Variants in CHN2 observed in about 807,000 individuals in gnomAD.
CHN2 encodes chimerin 2.
CHN2 carries 35 observed loss-of-function variants against 56.3 expected under a neutral mutation model. The ratio of observed to expected loss-of-function variants is 0.62; its 90% confidence interval spans 0.47 to 0.82. The LOEUF is 0.82. Ranked by LOEUF, CHN2 falls within the 40% of genes least tolerant of loss-of-function variation. CHN2 has a pLI of 0.00. For synonymous variants in CHN2, 210 were observed against 212.8 expected, an observed-to-expected ratio of 0.99 and a Z score of 0.12; for missense variants, 491 against 580.5, an observed-to-expected ratio of 0.85 and a Z score of 1.58.
intron 1 of CHN2, among the ~76,000 whole-genome samples, chr7:29,350,552 G>C (rs1401723523): frequency 6.6e-6 from 1 of 152,066 alleles, no homozygotes; most frequent in East Asian, 1.9e-4. Context: ...CCCTCACTTT[G>C]AATTCTTTTA....
chr7:29,239,936 T>A (rs559805913), intron 1 of CHN2, among the ~76,000 whole-genome samples: 64 of 152,298 alleles, frequency 4.2e-4, no homozygotes, highest in South Asian at 3.1e-3. Context: ...TAGATTTTTT[T>A]AAAAAAATGC....
In CHN2 at chr7:29,507,634, A is replaced by G. The variant is rs115682587; in HGVS notation, c.1129+269A>G. On this transcript the variant is annotated intron_variant, in intron 11 of 12. Transcript: ENST00000222792. ...GAACCAACACAGTCAGGCCTATTAT[A>G]TGTTGAAAGCATGAATATTTCTGTA... Among the ~76,000 whole-genome samples the G allele has an allele frequency of 2.7e-3, 414 of 152,224 alleles. 3 individuals carry two copies. The highest frequency in any genetic ancestry group is 9.7e-3 in the African/African-American group (403 of 41,524).
chr7:29,148,744 A>T (rs1314897647), intron 2 of CHN2: 1 of 152,170 alleles, frequency 6.6e-6, no homozygotes, highest in Admixed American at 6.5e-5. Context: ...AAGAAAAAAG[A>T]TAGTCTTCTT....
intron 1 of CHN2, among the ~76,000 whole-genome samples, chr7:29,261,025 C>T (rs1306241596): frequency 6.6e-6 from 1 of 152,124 alleles, no homozygotes; most frequent in Non-Finnish European, 1.5e-5. Context: ...TTGGGAATGA[C>T]CTATTCAAAG....
intron 1 of CHN2, among the ~76,000 whole-genome samples, chr7:29,330,523 A>G (rs980607438): frequency 3.3e-5 from 5 of 152,194 alleles, no homozygotes; most frequent in African/African-American, 1.2e-4. Flanking sequence ...TGTCTTTTGA[A>G]AGTAAATTTG....
intron 6 of CHN2, among the ~76,000 whole-genome samples, chr7:29,416,160 G>A (rs959535964): frequency 5.8e-4 from 89 of 152,308 alleles, no homozygotes; most frequent in African/African-American, 2.0e-3. Context: ...AGTGATGAAT[G>A]AATTAGCGTG....
chr7:29,254,580 G>T (rs1004960008), intron 1 of CHN2, among the ~76,000 whole-genome samples: 2 of 152,134 alleles, frequency 1.3e-5, no homozygotes, highest in African/African-American at 2.4e-5. Flanking sequence ...CTTATGACAG[G>T]GTTTTAGGGA....
chr7:29,370,175 C>G (rs1799495979), intron 3 of CHN2, among the ~76,000 whole-genome samples: 1 of 152,146 alleles, frequency 6.6e-6, no homozygotes, highest in Admixed American at 6.5e-5. Flanking sequence ...GCAGATAGTT[C>G]CTGCCTAAAT....
At chr7:29,195,331 G>A (rs1468333195) in intron 1 of CHN2, 4 of 302,062 alleles carry the variant, frequency 1.3e-5, no homozygotes, top group East Asian at 6.6e-5. Flanking sequence ...GGGCGGAGAA[G>A]GTTGGGGTGA....
At chr7:29,263,038 G>A (rs1315437016) in intron 1 of CHN2, among the ~76,000 whole-genome samples, 4 of 152,040 alleles carry the variant, frequency 2.6e-5, no homozygotes, top group African/African-American at 4.8e-5. Flanking sequence ...CCCTTTGCAC[G>A]GTCCTCGTCT....
intron 9 of CHN2, among the ~76,000 whole-genome samples, chr7:29,501,997 G>A (rs1049019776): frequency 1.3e-5 from 2 of 152,120 alleles, no homozygotes; most frequent in African/African-American, 2.4e-5. Flanking sequence ...ACCTCATAAG[G>A]TGGTTGGTGA....
chr7:29,211,885 T>TG (rs1202381358), intron 1 of CHN2, among the ~76,000 whole-genome samples: 1 of 152,246 alleles, frequency 6.6e-6, no homozygotes, highest in Non-Finnish European at 1.5e-5. Context: ...AATGTATATT[T>TG]TAATAACTTT....
At chr7:29,324,918 G>T (rs1278852679) in intron 1 of CHN2, among the ~76,000 whole-genome samples, 1 of 152,076 alleles carries the variant, frequency 6.6e-6, no homozygotes, top group Non-Finnish European at 1.5e-5. Flanking sequence ...ATCAACTAAT[G>T]CATGCCCTTT....
intron 3 of CHN2, among the ~76,000 whole-genome samples, chr7:29,378,992 T>C (rs1800287343): frequency 6.6e-6 from 1 of 152,180 alleles, no homozygotes; most frequent in Non-Finnish European, 1.5e-5. Flanking sequence ...AAGAGTGGGT[T>C]AATATACATA....
Position 29,317,619 on chromosome 7 carries a change from C to T in CHN2, c.50-37006C>T, listed in dbSNP as rs141452152. Among the ~76,000 whole-genome samples, 255 of 152,308 alleles carry T rather than the reference C, an allele frequency of 1.7e-3. 2 individuals are homozygous for T. The highest frequency in any genetic ancestry group is 5.6e-3 in the African/African-American group (234 of 41,550). ...ACAGTTCATTCATTCATTCATCAAA[C>T]GTTTTTAGCACCTCTTTCGTATGCC... is the stretch of plus-strand genomic sequence containing the variant. On this transcript the variant is annotated intron_variant, in intron 1 of 12. Transcript: ENST00000222792.
chr7:29,147,370 A>G, intron 2 of CHN2: 1 of 165,154 alleles, frequency 6.1e-6, no homozygotes, highest in Non-Finnish European at 1.3e-5. Context: ...GAGTGAGCCC[A>G]GGGAAACCCG....
intron 1 of CHN2, among the ~76,000 whole-genome samples, chr7:29,305,687 C>T (rs985427292): frequency 3.9e-5 from 6 of 152,026 alleles, no homozygotes; most frequent in Non-Finnish European, 7.4e-5. Flanking sequence ...ACACTGGCTG[C>T]CCAGAAGCTA....
chr7:29,467,017 A>G (rs1290937268), intron 6 of CHN2, among the ~76,000 whole-genome samples: 1 of 152,168 alleles, frequency 6.6e-6, no homozygotes, highest in Non-Finnish European at 1.5e-5. Context: ...TATAGTTATC[A>G]TTTTGTATTC....
intron 2 of CHN2, among the ~76,000 whole-genome samples, chr7:29,355,173 G>C (rs1040798564): frequency 2.6e-5 from 4 of 151,984 alleles, no homozygotes; most frequent in African/African-American, 9.7e-5. Flanking sequence ...GTTTCTCCAT[G>C]TTGGTCAGGA....
Sources: allele counts gnomAD v4.1 joint callset (sites outside exome capture counted in the v4.1 genomes callset), GRCh38; gene constraint gnomAD v4.1.1; transcripts MANE v1.5; gene names NCBI Gene and HGNC (gene_info 2026-07-23, HGNC 2026-07-21).